SBF2: variants seen among roughly 807,000 people sequenced by gnomAD.
SBF2 encodes the protein myotubularin-related protein 13.
SBF2 carries 112 observed loss-of-function variants against 225.2 expected under a neutral mutation model. The ratio of observed to expected loss-of-function variants is 0.50; its 90% confidence interval spans 0.43 to 0.58. The LOEUF is 0.58. Ranked by LOEUF, SBF2 falls within the 20% of genes least tolerant of loss-of-function variation. SBF2 has a pLI of 0.00. For synonymous variants in SBF2, 763 were observed against 773.3 expected, an observed-to-expected ratio of 0.99 and a Z score of 0.22; for missense variants, 1,996 against 2,206.2, an observed-to-expected ratio of 0.90 and a Z score of 1.91.
At chr11:10,260,917 G>A (rs11042697) in intron 1 of SBF2, among the ~76,000 whole-genome samples, 3,178 of 150,374 alleles carry the variant, frequency 0.021, 84 homozygotes, top group African/African-American at 0.064. Context: ...GAGGGAGAGA[G>A]GGAGAAAAGA....
chr11:9,796,278 A>G (rs972605040), intron 32 of SBF2, among the ~76,000 whole-genome samples: 2 of 152,176 alleles, frequency 1.3e-5, no homozygotes, highest in African/African-American at 4.8e-5. Flanking sequence ...CATTTACCCA[A>G]TGACATTAAA....
chr11:9,986,179 G>A (rs1590684867), intron 13 of SBF2, among the ~76,000 whole-genome samples: 1 of 152,138 alleles, frequency 6.6e-6, no homozygotes, highest in African/African-American at 2.4e-5. Flanking sequence ...GCTCCTGAAT[G>A]AGCATTCAGT....
chr11:9,974,834 C>T (rs1448223424), intron 13 of SBF2, among the ~76,000 whole-genome samples: 1 of 151,120 alleles, frequency 6.6e-6, no homozygotes, highest in Non-Finnish European at 1.5e-5. Context: ...GTGGTGTATG[C>T]CTATAATCCC....
chr11:10,089,829 G>A (rs1951709028), intron 2 of SBF2, among the ~76,000 whole-genome samples: 1 of 152,018 alleles, frequency 6.6e-6, no homozygotes, highest in Non-Finnish European at 1.5e-5. Flanking sequence ...AAAGGAGGTG[G>A]GGAGAAATGA....
chr11:9,791,415 G>GTC (rs1852729297), intron 33 of SBF2, among the ~76,000 whole-genome samples: 1 of 69,132 alleles, frequency 1.4e-5, no homozygotes, highest in African/African-American at 4.4e-5. Context: ...CATTTTACCA[G>GTC]TTTATCAAAA....
intron 1 of SBF2, among the ~76,000 whole-genome samples, chr11:10,212,499 A>G (rs930501747): frequency 6.6e-6 from 1 of 152,208 alleles, no homozygotes; most frequent in Non-Finnish European, 1.5e-5. Flanking sequence ...TCCTTCCTTA[A>G]AGGAAGATAT....
intron 2 of SBF2, among the ~76,000 whole-genome samples, chr11:10,078,821 C>T (rs1331591084): frequency 6.6e-6 from 1 of 152,076 alleles, no homozygotes; most frequent in African/African-American, 2.4e-5. Flanking sequence ...GTTTGAAGAA[C>T]AGACAAGCTC....
intron 2 of SBF2, among the ~76,000 whole-genome samples, chr11:10,107,025 A>G (rs1212183174): frequency 1.3e-5 from 2 of 152,260 alleles, no homozygotes; most frequent in African/African-American, 2.4e-5. Flanking sequence ...AGATGTTAGT[A>G]GGATGTGGAG....
intron 2 of SBF2, among the ~76,000 whole-genome samples, chr11:10,077,151 G>T (rs1448314074): frequency 6.6e-6 from 1 of 152,190 alleles, no homozygotes; most frequent in Non-Finnish European, 1.5e-5. Flanking sequence ...GGAAATAAAA[G>T]AGGACACAAA....
intron 17 of SBF2, among the ~76,000 whole-genome samples, chr11:9,892,721 G>A (rs1321688523): frequency 4.0e-5 from 6 of 151,878 alleles, no homozygotes; most frequent in African/African-American, 7.3e-5. Context: ...CACCACGCCC[G>A]GCTAATTTCG....
At chr11:10,010,313 G>A (rs1223333794) in intron 6 of SBF2, among the ~76,000 whole-genome samples, 2 of 152,104 alleles carry the variant, frequency 1.3e-5, no homozygotes, top group East Asian at 3.9e-4. Context: ...TGAAGTCTTT[G>A]CCCATGCCTA....
At chr11:10,162,106 A>G (rs991174905) in intron 2 of SBF2, among the ~76,000 whole-genome samples, 1 of 152,182 alleles carries the variant, frequency 6.6e-6, no homozygotes, top group African/African-American at 2.4e-5. Context: ...TATAGGAAGG[A>G]ATAGAAAGCT....
At chr11:10,119,924 T>C (rs1953356054) in intron 2 of SBF2, among the ~76,000 whole-genome samples, 1 of 152,214 alleles carries the variant, frequency 6.6e-6, no homozygotes, top group Non-Finnish European at 1.5e-5. Flanking sequence ...TTAGAATCAA[T>C]ATTTTAAATT....
Position 9,858,374 on chromosome 11 carries a change from T to C in SBF2, c.1952A>G (p.Gln651Arg). 6.2e-7 allele frequency: 1 copy of C among 1,614,204 alleles called. No homozygotes were observed. The highest frequency in any genetic ancestry group is 8.5e-7 in the Non-Finnish European group (1 of 1,180,012). The change falls in exon 18 of 40, where the codon CAG becomes CGG. Residue 651 changes from glutamine to arginine, a missense_variant. Gln to Arg is a conservative substitution (Grantham distance 43). Coordinates refer to ENST00000256190, the MANE Select transcript of SBF2 (RefSeq NM_030962.4). The part of the protein sequence containing the change: ...FYRKLAPGVS[Q>R]FAYTCVQDHP... Reference sequence around the variant, plus strand: ...GTCTTGTACACACGTGTAAGCAAACTGGCTGACTCCAGGGGCAAGTTTCTG... The same window carrying C: ...GTCTTGTACACACGTGTAAGCAAACCGGCTGACTCCAGGGGCAAGTTTCTG...
intron 6 of SBF2, among the ~76,000 whole-genome samples, chr11:10,026,559 T>C (rs1246905111): frequency 6.6e-6 from 1 of 152,050 alleles, no homozygotes; most frequent in African/African-American, 2.4e-5. Context: ...GGCGAGACCC[T>C]GTCTCTATAA....
chr11:10,116,876 T>C (rs942308575), intron 2 of SBF2, among the ~76,000 whole-genome samples: 9 of 152,218 alleles, frequency 5.9e-5, no homozygotes, highest in African/African-American at 2.2e-4. Context: ...GTTATGTAAG[T>C]TACCCATGGC....
intron 1 of SBF2, among the ~76,000 whole-genome samples, chr11:10,301,527 G>T (rs1210962617): frequency 1.3e-5 from 2 of 152,062 alleles, no homozygotes; most frequent in African/African-American, 2.4e-5. Flanking sequence ...AAGACATTTT[G>T]AACTATATTA....
intron 21 of SBF2, among the ~76,000 whole-genome samples, chr11:9,851,135 C>CAAAAAAA (rs773210379): frequency 4.1e-5 from 3 of 72,500 alleles, no homozygotes; most frequent in Admixed American, 1.6e-4. Context: ...GACTCCATCT[C>CAAAAAAA]AAAAAAAAAA....
intron 16 of SBF2, among the ~76,000 whole-genome samples, chr11:9,941,070 C>T (rs1280735491): frequency 6.6e-6 from 1 of 152,174 alleles, no homozygotes; most frequent in African/African-American, 2.4e-5. Flanking sequence ...AATCCCAGCA[C>T]TTTGGGAGGC....
Sources: gnomAD v4.1 joint callset for allele counts (sites outside exome capture counted in the v4.1 genomes callset) on GRCh38, gnomAD v4.1.1 for gene constraint, MANE v1.5 for transcripts, NCBI Gene and HGNC (gene_info 2026-07-23, HGNC 2026-07-21) for gene names.